Variants in CHRNA9 observed in about 807,000 individuals in gnomAD.
The protein encoded by CHRNA9 is cholinergic receptor nicotinic alpha 9 subunit.
CHRNA9 carries 24 observed loss-of-function variants against 36.8 expected under a neutral mutation model. The observed-to-expected ratio is 0.65, with a 90% CI of 0.47 to 0.92. The LOEUF is 0.92. Ranked by LOEUF, CHRNA9 falls within the 40% of genes least tolerant of loss-of-function variation. CHRNA9 has a pLI of 0.00. For synonymous variants in CHRNA9, 231 were observed against 231.8 expected (o/e 1.00, Z 0.03); for missense variants, 610 against 601.2 (o/e 1.01, Z -0.15).
intron 3 of CHRNA9, among the ~76,000 whole-genome samples, chr4:40,343,287 G>A (rs1162121675): frequency 6.6e-6 from 1 of 152,220 alleles, no homozygotes; most frequent in East Asian, 1.9e-4. Context: ...CCAAGACTGG[G>A]TAATTTATAA....
chr4:40,353,963 G>A lies in CHRNA9; in HGVS notation c.899-16G>A, dbSNP rs765763633. 1.4e-5 allele frequency: 22 copies of A among 1,569,654 alleles called. No homozygotes were observed. The highest frequency in any genetic ancestry group is 1.9e-5 in the Non-Finnish European group (22 of 1,155,874). On this transcript the variant is annotated splice_polypyrimidine_tract_variant and intron_variant, in intron 4 of 4. Transcript: ENST00000310169. ...TTTTAAAGCAAATTCAGTTACGGTT[G>A]TTATTTTAATTCCAGGTAAATACTA...
chr4:40,352,225 C>CTATTTT (rs1269285124), intron 4 of CHRNA9, among the ~76,000 whole-genome samples: 1 of 151,996 alleles, frequency 6.6e-6, no homozygotes, highest in African/African-American at 2.4e-5. Context: ...TATTATACAG[C>CTATTTT]TATTTTTATT....
intron 3 of CHRNA9, among the ~76,000 whole-genome samples, chr4:40,345,412 A>G (rs1712611138): frequency 6.6e-6 from 1 of 152,146 alleles, no homozygotes; most frequent in Non-Finnish European, 1.5e-5. Flanking sequence ...TTTTAATATA[A>G]TGTATTTAAA....
chr4:40,352,728 CTTAA>C (rs1456416636), intron 4 of CHRNA9, among the ~76,000 whole-genome samples: 4 of 152,054 alleles, frequency 2.6e-5, no homozygotes, highest in Non-Finnish European at 5.9e-5. Flanking sequence ...GTAGCCTTAT[CTTAA>C]TTGTTTCCTT....
At position 40,354,194 on chromosome 4, in the gene CHRNA9, A is replaced by T. The variant is rs199876894; in HGVS notation, c.1114A>T (p.Lys372Ter). 2 of 1,614,230 alleles carry T rather than the reference A, an allele frequency of 1.2e-6. No individual in the cohort carries two copies. Among genetic ancestry groups the T allele is most frequent in the Non-Finnish European group, 1.7e-6 (2 of 1,180,036 alleles). ...CAGTAGAGAGCGGGACCACCTCACG[A>T]AAGTTTATAGCAAACTCCCAGAGTC... ...HHSRERDHLTKVYSKLPESNL... is the reference protein window; with the variant it reads ...HHSRERDHLT The change falls in exon 5 of 5, where the codon AAA becomes TAA. Residue 372 changes from lysine to a stop codon, truncating the protein, a stop_gained. Transcript: ENST00000310169. LOFTEE classifies it high-confidence loss of function.
intron 3 of CHRNA9, among the ~76,000 whole-genome samples, chr4:40,343,180 C>T (rs1419720168): frequency 6.6e-6 from 1 of 152,112 alleles, no homozygotes; most frequent in Non-Finnish European, 1.5e-5. Flanking sequence ...CGCTCAATTG[C>T]AAAACAACTA....
At chr4:40,345,204 TGATCAAAAATCTAGGGA>T (rs1457628545) in intron 3 of CHRNA9, among the ~76,000 whole-genome samples, 16 of 152,244 alleles carry the variant, frequency 1.1e-4, no homozygotes, top group African/African-American at 3.6e-4. Flanking sequence ...AGCTGTGTTA[TGATCAAAAATCTAGGGA>T]GATAAACAAT....
At chr4:40,339,615 G>A (rs1035099343) in intron 3 of CHRNA9, among the ~76,000 whole-genome samples, 22 of 142,174 alleles carry the variant, frequency 1.5e-4, no homozygotes, top group African/African-American at 5.3e-4. Context: ...GCAGTGAGCC[G>A]AGATCGCGCT....
chr4:40,353,903 C>T (rs990992603), intron 4 of CHRNA9, 76 bp from the exon 5 acceptor site: 2 of 1,281,428 alleles, frequency 1.6e-6, no homozygotes. Flanking sequence ...GAATGTATCC[C>T]TGTTGTTAAG....
chr4:40,351,694 G>A (rs1712810122), intron 4 of CHRNA9, among the ~76,000 whole-genome samples: 1 of 152,142 alleles, frequency 6.6e-6, no homozygotes, highest in Non-Finnish European at 1.5e-5. Context: ...AAATAAAAAA[G>A]ATGATAAACA....
At chr4:40,348,306 T>G (rs1320255191) in intron 3 of CHRNA9, among the ~76,000 whole-genome samples, 1 of 152,076 alleles carries the variant, frequency 6.6e-6, no homozygotes, top group Non-Finnish European at 1.5e-5. Flanking sequence ...AAATAGAAAT[T>G]CTGTACCCCA....
rs1560319689 is a variant in CHRNA9 at position 40,354,371 on chromosome 4, A to G, written c.1291A>G (p.Ile431Val). 3.1e-6 allele frequency: 5 copies of G among 1,614,240 alleles called. No homozygotes were observed. Among genetic ancestry groups the G allele is most frequent in the Non-Finnish European group, 4.2e-6 (5 of 1,180,042 alleles). Reference protein sequence around the residue: ...YKVLTRNIEYIAKCLKDHKAT... With the variant: ...YKVLTRNIEYVAKCLKDHKAT... ...AGTGCTGACGAGGAATATTGAGTAC[A>G]TCGCCAAGTGCCTCAAAGACCACAA... Residue 431 changes from isoleucine to valine, a missense_variant, in exon 5 of 5, where the codon ATC (isoleucine) becomes GTC (valine). Coordinates refer to ENST00000310169, the MANE Select transcript of CHRNA9 (RefSeq NM_017581.4).
intron 2 of CHRNA9, among the ~76,000 whole-genome samples, chr4:40,336,510 G>C (rs1233524111): frequency 1.3e-5 from 2 of 151,850 alleles, no homozygotes; most frequent in African/African-American, 4.8e-5. Context: ...ACGGAGTCTT[G>C]CTGTCACCCA....
At chr4:40,345,969 T>A (rs1241957790) in intron 3 of CHRNA9, among the ~76,000 whole-genome samples, 1 of 152,096 alleles carries the variant, frequency 6.6e-6, no homozygotes, top group African/African-American at 2.4e-5. Context: ...AGGTTGCAGT[T>A]AACTGACATG....
In CHRNA9 at chr4:40,354,551, A is replaced by G; in HGVS notation, c.*31A>G. The G allele has an allele frequency of 6.6e-7, 1 of 1,506,258 alleles. No individual in the cohort carries two copies. The highest frequency in any genetic ancestry group is 1.2e-5 in the South Asian group (1 of 82,392). 93.3% of individuals were successfully genotyped at this position (1,506,258 alleles called of 1,614,324 possible). A position where few individuals can be genotyped will look rare whatever the true frequency, so the allele number is the denominator to read the frequency against. On this transcript the variant is annotated 3_prime_UTR_variant, in exon 5 of 5. Transcript: ENST00000310169. ...GATATTGGCTTTGCTATCTGGGTAGAAATTAATACAATTCCCTGTGATCTA... is the reference window on the plus strand; with the variant it reads ...GATATTGGCTTTGCTATCTGGGTAGGAATTAATACAATTCCCTGTGATCTA...
At chr4:40,338,852 G>GTC (rs372029603) in intron 3 of CHRNA9, among the ~76,000 whole-genome samples, 11,674 of 144,472 alleles carry the variant, frequency 0.081, 721 homozygotes, top group African/African-American at 0.17. Context: ...CTCTGTCTCT[G>GTC]TCTCTCTCTC....
intron 3 of CHRNA9, among the ~76,000 whole-genome samples, chr4:40,341,351 C>T (rs149695854): frequency 5.8e-4 from 88 of 151,450 alleles, no homozygotes; most frequent in African/African-American, 2.1e-3. Flanking sequence ...CTGGTGTGAT[C>T]GTAGCTTACT....
rs561034737 is a variant in CHRNA9 at position 40,335,861 on chromosome 4, G to C, written c.99G>C (p.Lys33Asn). The change falls in exon 2 of 5, where the codon AAG (lysine) becomes AAC (asparagine). Residue 33 changes from lysine (K) to asparagine (N), a missense_variant. Lys to Asn is a moderately conservative substitution (Grantham distance 94, BLOSUM62 0). Transcript: ENST00000310169. ...AETADGKYAQ[K>N]LFNDLFEDYS... ...CGGCAGATGGAAAATATGCTCAGAA[G>C]TTGTTTAATGACCTTTTTGAAGATT... 3.1e-4 allele frequency: 501 copies of C among 1,613,482 alleles called. 7 individuals are homozygous for C. The South Asian group carries it at 5.4e-3, about 17-fold the overall frequency.
In CHRNA9 at chr4:40,354,019, C is replaced by T. The variant is rs1479040961; in HGVS notation, c.939C>T (p.Ser313=). ...CCACGATGGCCCTGATCACAGCCTC[C>T]ACTGCGTTGACCATCATGGTGATGA... ...YIATMALITA[S]TALTIMVMNI... Residue 313 remains serine, a synonymous_variant, in exon 5 of 5, where the codon TCC becomes TCT. Transcript: ENST00000310169. The T allele has an allele frequency of 1.2e-6, 2 of 1,613,486 alleles. No individual in the cohort carries two copies. The highest frequency in any genetic ancestry group is 1.7e-6 in the Non-Finnish European group (2 of 1,179,520).
Sources: allele counts gnomAD v4.1 joint callset (sites outside exome capture counted in the v4.1 genomes callset), GRCh38; gene constraint gnomAD v4.1.1; transcripts MANE v1.5; gene names NCBI Gene and HGNC (gene_info 2026-07-23, HGNC 2026-07-21).